Variants in TBC1D22A observed in about 807,000 individuals in gnomAD.
The protein encoded by TBC1D22A is TBC1 domain family member 22A.
Under a neutral mutation model 60.2 loss-of-function variants are expected in TBC1D22A, and 38 were observed. The observed-to-expected ratio is 0.63, with a 90% CI of 0.49 to 0.83. The LOEUF is 0.83. Ranked by LOEUF, TBC1D22A falls within the 40% of genes least tolerant of loss-of-function variation. The pLI is 0.00. For synonymous variants in TBC1D22A, 302 were observed against 281.7 expected (o/e 1.07, Z -0.72); for missense variants, 628 against 701.0 (o/e 0.90, Z 1.18).
intron 7 of TBC1D22A, among the ~76,000 whole-genome samples, chr22:46,911,237 G>A (rs1159942088): frequency 6.6e-6 from 1 of 152,104 alleles, no homozygotes; most frequent in East Asian, 1.9e-4. Flanking sequence ...GGAGGAGGCC[G>A]GAATGACTCC....
chr22:47,042,487 CT>C (rs2062881649), intron 11 of TBC1D22A, among the ~76,000 whole-genome samples: 2 of 152,246 alleles, frequency 1.3e-5, no homozygotes, highest in Non-Finnish European at 2.9e-5. Context: ...GACATTGGGA[CT>C]CAGCATCACA....
At chr22:46,899,963 T>C (rs2068894035) in intron 7 of TBC1D22A, among the ~76,000 whole-genome samples, 1 of 152,108 alleles carries the variant, frequency 6.6e-6, no homozygotes, top group African/African-American at 2.4e-5. Context: ...TCCAACCCCC[T>C]GCATCTATCG....
intron 12 of TBC1D22A, among the ~76,000 whole-genome samples, chr22:47,163,576 G>A (rs1424581809): frequency 6.6e-6 from 1 of 152,220 alleles, no homozygotes; most frequent in Non-Finnish European, 1.5e-5. Context: ...GAAAGGGACA[G>A]CCATGGTTGC....
intron 4 of TBC1D22A, among the ~76,000 whole-genome samples, chr22:46,800,280 C>T (rs572976552): frequency 6.6e-6 from 1 of 152,244 alleles, no homozygotes; most frequent in East Asian, 1.9e-4. Context: ...ATGGGTGAGG[C>T]GAGAAGGCAG....
At chr22:46,917,155 T>C (rs979698134) in intron 8 of TBC1D22A, among the ~76,000 whole-genome samples, 1 of 152,184 alleles carries the variant, frequency 6.6e-6, no homozygotes, top group Admixed American at 6.6e-5. Flanking sequence ...ACACACTTTT[T>C]AGTCTAATCT....
At chr22:46,839,339 G>A (rs1193711721) in intron 4 of TBC1D22A, among the ~76,000 whole-genome samples, 5 of 149,102 alleles carry the variant, frequency 3.4e-5, no homozygotes, top group East Asian at 2.0e-4. Context: ...ACGGAGTCTC[G>A]CTCTGTCACC....
chr22:47,069,946 C>T lies in TBC1D22A; in HGVS notation c.1329+32748C>T, dbSNP rs1196854144. On this transcript the variant is annotated intron_variant, in intron 11 of 12. Transcript: ENST00000337137. ...GTTGTTTGGTTGGAGCAGAGCTGAC[C>T]TGACGGTCCCAGCGCTGTCCCCTGT... Among the ~76,000 whole-genome samples the T allele has an allele frequency of 8.9e-3, 1,079 of 120,622 alleles. 42 individuals are homozygous for T. The highest frequency in any genetic ancestry group is 0.022 in the African/African-American group (551 of 25,236). 79.1% of individuals were successfully genotyped at this position (120,622 alleles called of 152,430 possible).
At chr22:46,768,484 C>T (rs1434357392) in intron 1 of TBC1D22A, among the ~76,000 whole-genome samples, 3 of 80,360 alleles carry the variant, frequency 3.7e-5, no homozygotes, top group African/African-American at 5.1e-5. Flanking sequence ...GACTCTGTCT[C>T]AAAAAAAAAA....
Position 47,169,011 on chromosome 22 carries a change from C to T in TBC1D22A, c.1426-4487C>T, listed in dbSNP as rs548317294. Among the ~76,000 whole-genome samples, 3 of 152,188 alleles carry T rather than the reference C, an allele frequency of 2.0e-5. No homozygotes were observed. The South Asian group carries it at 6.2e-4, about 32-fold the overall frequency. On this transcript the variant is annotated intron_variant, in intron 12 of 12. Coordinates refer to ENST00000337137, the MANE Select transcript of TBC1D22A (RefSeq NM_014346.5). Reference sequence around the variant, plus strand: ...ACCTGCCCTCCGGCATTGGGAGCCTCACCTGTTGGAACCCGCCCGGGGCAG... The same window carrying T: ...ACCTGCCCTCCGGCATTGGGAGCCTTACCTGTTGGAACCCGCCCGGGGCAG...
chr22:47,125,343 C>T (rs942961874), intron 12 of TBC1D22A, among the ~76,000 whole-genome samples: 3 of 152,190 alleles, frequency 2.0e-5, no homozygotes, highest in South Asian at 2.1e-4. Flanking sequence ...AGCTAAGAGG[C>T]GTGCCCTGGA....
chr22:46,817,768 T>G lies in TBC1D22A; in HGVS notation c.637+20148T>G, dbSNP rs146432941. Reference sequence around the variant, plus strand: ...AATGATTTATATTCTTTTGGGTATATACCCAGTAATGGGATTGCTGGGTCA... The same window carrying G: ...AATGATTTATATTCTTTTGGGTATAGACCCAGTAATGGGATTGCTGGGTCA... On this transcript the variant is annotated intron_variant, in intron 4 of 12. Transcript: ENST00000337137. Among the ~76,000 whole-genome samples the G allele has an allele frequency of 3.0e-4, 45 of 152,376 alleles. No individual in the cohort carries two copies. The East Asian group carries it at 8.1e-3, about 27-fold the overall frequency.
intron 7 of TBC1D22A, among the ~76,000 whole-genome samples, chr22:46,909,246 C>T (rs2069715932): frequency 6.6e-6 from 1 of 151,968 alleles, no homozygotes; most frequent in African/African-American, 2.4e-5. Context: ...AGTGAGGGGC[C>T]TTGTTAAATG....
chr22:46,963,674 C>T (rs1033894222), intron 8 of TBC1D22A, among the ~76,000 whole-genome samples: 7 of 152,218 alleles, frequency 4.6e-5, no homozygotes, highest in South Asian at 2.1e-4. Flanking sequence ...GATCCTTCTC[C>T]GGGCCCAGGT....
At chr22:47,100,611 GCTC>G (rs1359850467) in intron 11 of TBC1D22A, among the ~76,000 whole-genome samples, 1 of 152,176 alleles carries the variant, frequency 6.6e-6, no homozygotes, top group Non-Finnish European at 1.5e-5. Context: ...AAAAAGAGGT[GCTC>G]CTCTGCACAC....
At chr22:46,778,156 C>G (rs1166210295) in intron 1 of TBC1D22A, among the ~76,000 whole-genome samples, 4 of 151,342 alleles carry the variant, frequency 2.6e-5, no homozygotes, top group Non-Finnish European at 4.4e-5. Flanking sequence ...CTTGGTGGGT[C>G]GGTGAATGAA....
chr22:46,875,659 C>T (rs1462654640), intron 4 of TBC1D22A, among the ~76,000 whole-genome samples: 2 of 152,080 alleles, frequency 1.3e-5, no homozygotes, highest in Non-Finnish European at 2.9e-5. Context: ...ACCATGTTGG[C>T]CAGGCTAGTC....
intron 9 of TBC1D22A, among the ~76,000 whole-genome samples, chr22:46,996,365 G>A (rs916687970): frequency 2.0e-5 from 3 of 152,280 alleles, no homozygotes; most frequent in Non-Finnish European, 2.9e-5. Flanking sequence ...CCGGGCCAGA[G>A]GCCCTGTGTG....
chr22:47,015,439 G>A (rs1003996072), intron 10 of TBC1D22A, among the ~76,000 whole-genome samples: 15 of 152,184 alleles, frequency 9.9e-5, no homozygotes, highest in African/African-American at 2.9e-4. Flanking sequence ...CGCCCACCCC[G>A]TTTTACACTT....
intron 10 of TBC1D22A, among the ~76,000 whole-genome samples, chr22:47,030,493 G>C (rs562222386): frequency 6.6e-6 from 1 of 152,202 alleles, no homozygotes; most frequent in Non-Finnish European, 1.5e-5. Flanking sequence ...TAAAGTGCTG[G>C]GAAAAGTGTT....
Sources: allele counts gnomAD v4.1 joint callset (sites outside exome capture counted in the v4.1 genomes callset), GRCh38; gene constraint gnomAD v4.1.1; transcripts MANE v1.5; gene names NCBI Gene and HGNC (gene_info 2026-07-23, HGNC 2026-07-21).